The following ATP2B2 variants were observed in gnomAD, a reference collection of about 807,000 sequenced individuals.
The protein encoded by ATP2B2 is plasma membrane calcium-transporting ATPase 2.
Under a neutral mutation model 120.0 loss-of-function variants are expected in ATP2B2, and 15 were observed. That is an observed-to-expected ratio of 0.12 (90% confidence interval 0.08 to 0.19). The LOEUF (loss-of-function observed/expected upper bound fraction) is 0.19, where lower values mean the gene tolerates loss of function less well. Among genes scored for constraint, ATP2B2 ranks in the 10% least tolerant of loss-of-function variants. The probability of loss-of-function intolerance (pLI) is 1.00; values close to 1 mark genes in which losing one functional copy is unlikely to be tolerated. For synonymous variants in ATP2B2, 694 were observed against 700.3 expected, an observed-to-expected ratio of 0.99 and a Z score of 0.14; for missense variants, 1,045 against 1,719.8, an observed-to-expected ratio of 0.61 and a Z score of 6.94.
chr3:10,571,839 T>C (rs1298117718), intron 2 of ATP2B2, among the ~76,000 whole-genome samples: 2 of 152,240 alleles, frequency 1.3e-5, no homozygotes, highest in African/African-American at 4.8e-5. Context: ...AACAGTCTGG[T>C]GAGATAGCAA....
intron 1 of ATP2B2, among the ~76,000 whole-genome samples, chr3:10,464,372 T>A (rs1327202545): frequency 6.6e-6 from 1 of 152,088 alleles, no homozygotes; most frequent in Non-Finnish European, 1.5e-5. Context: ...TTGATGAAGC[T>A]GCACAGAGCC....
intron 2 of ATP2B2, among the ~76,000 whole-genome samples, chr3:10,577,051 CAAAAAA>C (rs71055823): frequency 3.6e-4 from 39 of 109,350 alleles, no homozygotes; most frequent in East Asian, 7.4e-4. Context: ...GACTCTGTGT[CAAAAAA>C]AAAAAAAAAA....
chr3:10,612,770 T>C (rs1427180075), intron 2 of ATP2B2, among the ~76,000 whole-genome samples: 1 of 152,198 alleles, frequency 6.6e-6, no homozygotes, highest in Non-Finnish European at 1.5e-5. Flanking sequence ...TATTGCCCCC[T>C]CTCTGGTCTT....
intron 14 of ATP2B2, among the ~76,000 whole-genome samples, chr3:10,352,208 C>T (rs2060598343): frequency 1.3e-5 from 2 of 152,248 alleles, no homozygotes; most frequent in Admixed American, 6.5e-5. Context: ...GGTCATTGCC[C>T]AGCCTGCCTC....
intron 2 of ATP2B2, among the ~76,000 whole-genome samples, chr3:10,415,291 A>G (rs532103467): frequency 6.6e-6 from 1 of 152,284 alleles, no homozygotes; most frequent in African/African-American, 2.4e-5. Flanking sequence ...GTACTGTGTC[A>G]TTATTACCGC....
chr3:10,388,450 T>C (rs1301486736), intron 5 of ATP2B2, 48 bp from the exon 6 acceptor site: 36 of 1,613,500 alleles, frequency 2.2e-5, no homozygotes, highest in Non-Finnish European at 2.8e-5. Flanking sequence ...GTTGAAGCCG[T>C]CTCCCCAAAG....
chr3:10,625,718 G>C (rs2069678922), intron 1 of ATP2B2, among the ~76,000 whole-genome samples: 1 of 152,128 alleles, frequency 6.6e-6, no homozygotes, highest in Non-Finnish European at 1.5e-5. Flanking sequence ...CACACTCAGG[G>C]ACCCTTCAGC....
At chr3:10,479,366 C>G (rs2065318058) in intron 1 of ATP2B2, among the ~76,000 whole-genome samples, 1 of 151,802 alleles carries the variant, frequency 6.6e-6, no homozygotes, top group Non-Finnish European at 1.5e-5. Flanking sequence ...TCTGTTCCTT[C>G]TGCCTAGAAT....
intron 1 of ATP2B2, among the ~76,000 whole-genome samples, chr3:10,481,670 C>T (rs1156782924): frequency 2.0e-5 from 3 of 152,196 alleles, no homozygotes. Flanking sequence ...TCTCCTGCCT[C>T]AGCCTCCTGA....
At chr3:10,386,586 C>T (rs1404727352) in intron 6 of ATP2B2, 74 bp from the exon 7 acceptor site, 2 of 1,482,062 alleles carry the variant, frequency 1.3e-6, no homozygotes, top group Non-Finnish European at 1.9e-6. Flanking sequence ...CACGCGCACA[C>T]ACACAAACAC....
intron 2 of ATP2B2, among the ~76,000 whole-genome samples, chr3:10,576,971 T>G (rs1192243075): frequency 6.6e-6 from 1 of 151,072 alleles, no homozygotes; most frequent in Non-Finnish European, 1.5e-5. Flanking sequence ...GGAGAATTGC[T>G]TGAACCTGGG....
At chr3:10,647,953 C>A (rs563789880) in intron 1 of ATP2B2, among the ~76,000 whole-genome samples, 1 of 152,284 alleles carries the variant, frequency 6.6e-6, no homozygotes, top group African/African-American at 2.4e-5. Context: ...CTTCTGATTC[C>A]AGGCTGCCCT....
intron 1 of ATP2B2, among the ~76,000 whole-genome samples, chr3:10,628,555 T>C (rs751650532): frequency 3.3e-5 from 5 of 152,236 alleles, no homozygotes; most frequent in African/African-American, 9.6e-5. Context: ...GCAGGACATG[T>C]AGTAGGGCGT....
chr3:10,362,776 C>T (rs2060939014), intron 12 of ATP2B2, among the ~76,000 whole-genome samples: 1 of 152,200 alleles, frequency 6.6e-6, no homozygotes, highest in Non-Finnish European at 1.5e-5. Context: ...CACAGCTTCC[C>T]ATGTCTGAAG....
At chr3:10,685,802 A>T (rs2071505520) in intron 1 of ATP2B2, among the ~76,000 whole-genome samples, 1 of 152,240 alleles carries the variant, frequency 6.6e-6, no homozygotes, top group African/African-American at 2.4e-5. Flanking sequence ...ATCTTTGACA[A>T]CCAGAATTCT....
In ATP2B2 at chr3:10,574,678, A is replaced by G. The variant is rs2068203313; in HGVS notation, c.-414-40545T>C. 2.0e-5 allele frequency among the ~76,000 whole-genome samples: 3 copies of G among 152,292 alleles called. No individual in the cohort carries two copies. The South Asian group carries it at 6.2e-4, about 32-fold the overall frequency. On this transcript the variant is annotated intron_variant, in intron 2 of 21. Transcript: ENST00000646379. ...GTAAAACATGGAGCACACATATTTA[A>G]AAGTAGTAATATCTACTTGGAATGA...
chr3:10,502,310 G>A (rs1437231122), intron 1 of ATP2B2, among the ~76,000 whole-genome samples: 3 of 152,146 alleles, frequency 2.0e-5, no homozygotes, highest in Non-Finnish European at 1.5e-5. Flanking sequence ...CATAAAACAG[G>A]GCAGAGATAG....
At chr3:10,640,248 T>C (rs189430592) in intron 1 of ATP2B2, among the ~76,000 whole-genome samples, 1 of 152,264 alleles carries the variant, frequency 6.6e-6, no homozygotes, top group East Asian at 1.9e-4. Flanking sequence ...GGACTTGCTC[T>C]GAAGGTAGGG....
At chr3:10,385,166 G>T in intron 8 of ATP2B2, 102 bp downstream of exon 8, 2 of 1,195,294 alleles carry the variant, frequency 1.7e-6, no homozygotes, top group South Asian at 1.3e-5. Flanking sequence ...ATGCACATCC[G>T]AGATCTGTGC....
Sources: allele counts gnomAD v4.1 joint callset (sites outside exome capture counted in the v4.1 genomes callset), GRCh38; gene constraint gnomAD v4.1.1; transcripts MANE v1.5; gene names NCBI Gene and HGNC (gene_info 2026-07-23, HGNC 2026-07-21).